Variants in SETD5 observed in about 807,000 individuals in gnomAD.
The protein encoded by SETD5 is histone-lysine N-methyltransferase SETD5.
Under a neutral mutation model 153.3 loss-of-function variants are expected in SETD5, and 44 were observed. The observed-to-expected ratio is 0.29, with a 90% CI of 0.23 to 0.37. The LOEUF is 0.37. SETD5 is among the 10% of genes least tolerant of loss of function. SETD5 has a pLI of 1.00. For missense variants in SETD5, 1,544 were observed against 1,768.0 expected (o/e 0.87, Z 2.27); for synonymous variants, 716 against 645.2 (o/e 1.11, Z -1.66).
intron 12 of SETD5, 99 bp from the exon 13 acceptor site, chr3:9,445,558 C>T (rs967661822): frequency 4.4e-5 from 48 of 1,080,912 alleles, no homozygotes; most frequent in Middle Eastern, 4.1e-4. Flanking sequence ...CAGTTTAAAG[C>T]ACTAGAGATT....
intron 17 of SETD5, among the ~76,000 whole-genome samples, chr3:9,464,134 AAATAAATG>A (rs2044294827): frequency 6.6e-6 from 1 of 151,262 alleles, no homozygotes; most frequent in Non-Finnish European, 1.5e-5. Context: ...TCTCATAAAT[AAATAAATG>A]AATAAATGAA....
At chr3:9,465,177 ATG>A (rs1575575986) in intron 18 of SETD5, among the ~76,000 whole-genome samples, 1 of 152,212 alleles carries the variant, frequency 6.6e-6, no homozygotes, top group Non-Finnish European at 1.5e-5. Flanking sequence ...CTTATGGCGA[ATG>A]TGGGTTTTTT....
intron 1 of SETD5, among the ~76,000 whole-genome samples, chr3:9,405,179 CAGAA>C (rs1435409290): frequency 6.6e-5 from 10 of 152,300 alleles, no homozygotes; most frequent in African/African-American, 1.9e-4. Flanking sequence ...CTCAGCCTTA[CAGAA>C]AGAAAGGTTT....
In SETD5 at chr3:9,462,456, G is replaced by A. The variant is rs529112194; in HGVS notation, c.2477-1969G>A. 9.9e-5 allele frequency among the ~76,000 whole-genome samples: 15 copies of A among 151,830 alleles called. No homozygotes were observed. In the South Asian group the frequency reaches 3.1e-3, roughly 32 times the overall value. On this transcript the variant is annotated intron_variant, in intron 17 of 22. Coordinates refer to ENST00000402198, the MANE Select transcript of SETD5 (RefSeq NM_001080517.3). ...CAAAAAATTAGCCGGGTGTGGTAGC[G>A]AGCACCTGTAGTCCCAGCTACTCGG...
chr3:9,442,072 TG>T, intron 9 of SETD5, 55 bp from the exon 10 acceptor site: 1 of 1,167,916 alleles, frequency 8.6e-7, no homozygotes. Context: ...TTTGGAGTCA[TG>T]GGGTGGCCTT....
chr3:9,448,013 C>T lies in SETD5; in HGVS notation c.2103+7C>T, dbSNP rs1197089873. ...ATACCCCAAAACCAAAAAGGTAAGTCACAAATGCATCCTTTATAAGTCCAG... is the reference window on the plus strand; with the variant it reads ...ATACCCCAAAACCAAAAAGGTAAGTTACAAATGCATCCTTTATAAGTCCAG... On this transcript the variant is annotated splice_region_variant and intron_variant, in intron 15 of 22. Coordinates refer to ENST00000402198, the MANE Select transcript of SETD5 (RefSeq NM_001080517.3). The T allele has an allele frequency of 1.2e-6, 2 of 1,608,860 alleles. No homozygotes were observed. Among genetic ancestry groups the T allele is most frequent in the Non-Finnish European group, 1.7e-6 (2 of 1,176,608 alleles).
chr3:9,439,311 T>C (rs1024099620), intron 7 of SETD5, among the ~76,000 whole-genome samples: 2 of 152,222 alleles, frequency 1.3e-5, no homozygotes, highest in Non-Finnish European at 2.9e-5. Context: ...ATTTTTTTTC[T>C]TCTATACTCC....
rs748907858 is a variant in SETD5 at position 9,475,048 on chromosome 3, T to TA, written c.3632-20_3632-19insA. 6.5e-6 allele frequency: 10 copies of TA among 1,548,368 alleles called. No homozygotes were observed. The highest frequency in any genetic ancestry group is 8.7e-6 in the Non-Finnish European group (10 of 1,148,560). ...TCTAAGAAGCCAAGTTGATTTTTTT[T>TA]TATATATGTTACCTTCCAGACCCTG... On this transcript the variant is annotated intron_variant, in intron 21 of 22. Transcript: ENST00000402198.
At chr3:9,414,447 A>G (rs2037114140) in intron 1 of SETD5, among the ~76,000 whole-genome samples, 1 of 152,132 alleles carries the variant, frequency 6.6e-6, no homozygotes, top group South Asian at 2.1e-4. Flanking sequence ...CATTGCTTCT[A>G]CAAGGCAACT....
At chr3:9,457,214 C>T (rs1171702181) in intron 17 of SETD5, among the ~76,000 whole-genome samples, 2 of 150,560 alleles carry the variant, frequency 1.3e-5, no homozygotes, top group African/African-American at 2.4e-5. Context: ...TTAGGCCAGG[C>T]GTGGTGGCTC....
At chr3:9,457,047 A>G (rs1040324044) in intron 17 of SETD5, among the ~76,000 whole-genome samples, 4 of 151,802 alleles carry the variant, frequency 2.6e-5, no homozygotes, top group African/African-American at 9.7e-5. Flanking sequence ...GAAATACACT[A>G]AATATTTTAA....
chr3:9,472,724 C>CCACCTCCCTCTCCT lies in SETD5; in HGVS notation c.3196-510_3196-497dup, dbSNP rs369564595. Among the ~76,000 whole-genome samples the CCACCTCCCTCTCCT allele has an allele frequency of 9.0e-3, 1,367 of 151,950 alleles. 24 individuals are homozygous for CCACCTCCCTCTCCT. The highest frequency in any genetic ancestry group is 0.026 in the African/African-American group (1,086 of 41,408). ...CCTCTCTCTCTCCACCTACCTCTCC[C>CCACCTCCCTCTCCT]CACCTCCCTCTCCTCCATCTCCTTC... is the stretch of plus-strand genomic sequence containing the variant. On this transcript the variant is annotated intron_variant, in intron 19 of 22. Transcript: ENST00000402198.
chr3:9,450,592 T>C (rs1973243), intron 16 of SETD5, among the ~76,000 whole-genome samples: 30,050 of 152,186 alleles, frequency 0.2, 3,497 homozygotes, highest in African/African-American at 0.31. Flanking sequence ...TAATATCTCC[T>C]AATATTGGTT....
chr3:9,434,605 T>C lies in SETD5; in HGVS notation c.329+120T>C. ...GTTAATGTAGATGATTCCTTAGTGC[T>C]CCTTGGCTCGAATTCTCTGCACTAG... On this transcript the variant is annotated intron_variant, in intron 5 of 22. Transcript: ENST00000402198. This position sits in a 1 kb window ranked among gnomAD's most constrained non-coding sequence, Gnocchi z 5.6. 4 of 1,504,126 alleles carry C rather than the reference T, an allele frequency of 2.7e-6. No homozygotes were observed. The highest frequency in any genetic ancestry group is 3.6e-6 in the Non-Finnish European group (4 of 1,125,910). The allele number at this position is 1,504,126 out of a possible 1,614,324, so 93.2% of individuals were successfully genotyped here.
At chr3:9,405,309 TTGGAAAA>T (rs1163895408) in intron 1 of SETD5, among the ~76,000 whole-genome samples, 1 of 152,222 alleles carries the variant, frequency 6.6e-6, no homozygotes, top group Non-Finnish European at 1.5e-5. Context: ...GCAATTTGTT[TTGGAAAA>T]TACTAATTTG....
chr3:9,418,275 A>T (rs1446265054), intron 1 of SETD5, among the ~76,000 whole-genome samples: 2 of 152,192 alleles, frequency 1.3e-5, no homozygotes, highest in Non-Finnish European at 2.9e-5. Context: ...GTTTATTTGC[A>T]TTTGCAGTCA....
chr3:9,406,850 G>A (rs1276069071), intron 1 of SETD5, among the ~76,000 whole-genome samples: 1 of 152,080 alleles, frequency 6.6e-6, no homozygotes, highest in African/African-American at 2.4e-5. Flanking sequence ...TAATATTGGG[G>A]CTTTTATTGA....
At chr3:9,403,065 G>C (rs960539179) in intron 1 of SETD5, among the ~76,000 whole-genome samples, 4 of 152,128 alleles carry the variant, frequency 2.6e-5, no homozygotes, top group African/African-American at 9.7e-5. Flanking sequence ...TGTTGGTGGG[G>C]GAGGGGCAGG....
At position 9,434,213 on chromosome 3, in the gene SETD5, C is replaced by T. The variant is rs750846076; in HGVS notation, c.178-121C>T. 5.5e-5 allele frequency: 86 copies of T among 1,550,868 alleles called. No homozygotes were observed. Among genetic ancestry groups the T allele is most frequent in the Middle Eastern group, 1.7e-4 (1 of 6,008 alleles). On this transcript the variant is annotated intron_variant, in intron 4 of 22. Transcript: ENST00000402198. This position sits in a 1 kb window ranked among gnomAD's most constrained non-coding sequence, Gnocchi z 5.6. ...CTTTCTTCTTTCTTTCCATATGTACCATACTTTAGGGGAGAGAGGGGCCAG... is the reference window on the plus strand; with the variant it reads ...CTTTCTTCTTTCTTTCCATATGTACTATACTTTAGGGGAGAGAGGGGCCAG...
Sources: gnomAD v4.1 joint callset for allele counts (sites outside exome capture counted in the v4.1 genomes callset) on GRCh38, gnomAD v4.1.1 for gene constraint, Gnocchi (gnomAD v3.1) non-coding constraint, MANE v1.5 for transcripts, NCBI Gene and HGNC (gene_info 2026-07-23, HGNC 2026-07-21) for gene names.